HMCN2: variants seen among roughly 807,000 people sequenced by gnomAD.
HMCN2 encodes hemicentin 2.
In HMCN2, 325 loss-of-function variants were observed where a neutral mutation model predicts 377.5. That is an observed-to-expected ratio of 0.86 (90% CI 0.79 to 0.94). The LOEUF (loss-of-function observed/expected upper bound fraction) is 0.94, where lower values mean the gene tolerates loss of function less well. Ranked by LOEUF, HMCN2 falls within the 40% of genes least tolerant of loss-of-function variation. HMCN2 has a pLI of 0.00. For synonymous variants in HMCN2, 2,007 were observed against 2,046.8 expected, an observed-to-expected ratio of 0.98 and a Z score of 0.53; for missense variants, 4,543 against 4,725.3, an observed-to-expected ratio of 0.96 and a Z score of 1.13.
In HMCN2 at chr9:130,394,292, G is replaced by A. The variant is rs1842487629; in HGVS notation, c.10502-93G>A. ...GAACAAGGGCCACCAAAATGTGGGA[G>A]CAGAGCCCCTGGACTCAGCACAGTG... On this transcript the variant is annotated intron_variant, in intron 68 of 97. Coordinates refer to ENST00000683500, the MANE Select transcript of HMCN2 (RefSeq NM_001291815.2). This position sits in a 1 kb window ranked among gnomAD's most constrained non-coding sequence, Gnocchi z 5.1. The A allele has an allele frequency of 1.2e-6, 1 of 828,620 alleles. No individual in the cohort carries two copies. The highest frequency in any genetic ancestry group is 1.7e-6 in the Non-Finnish European group (1 of 598,952). The allele number at this position is 828,620 out of a possible 1,614,324, so 51.3% of individuals were successfully genotyped here.
chr9:130,322,338 CTATCCAT>C (rs1400635153), intron 19 of HMCN2, among the ~76,000 whole-genome samples: 1 of 148,632 alleles, frequency 6.7e-6, no homozygotes, highest in Non-Finnish European at 1.5e-5. Flanking sequence ...ATCTATCTAT[CTATCCAT>C]CTATCTATCT....
chr9:130,429,471 C>T, intron 93 of HMCN2, 86 bp from the exon 94 acceptor site: 1 of 1,503,490 alleles, frequency 6.7e-7, no homozygotes, highest in Non-Finnish European at 9.0e-7. Context: ...GGGAGGAGGC[C>T]CAGATATGGA....
Position 130,403,804 on chromosome 9 carries a change from C to G in HMCN2, c.12077C>G (p.Ala4026Gly), listed in dbSNP as rs1842964912. Residue 4026 changes from alanine (A) to glycine (G), a missense_variant, in exon 80 of 98, where the codon GCT (alanine) becomes GGT (glycine). Ala to Gly is a moderately conservative substitution (Grantham distance 60, BLOSUM62 0). Around this residue, in one of 5 missense-constraint regions of HMCN2, gnomAD observed 1,073 missense variants for 1,319.5 expected, o/e 0.81. Coordinates refer to ENST00000683500, the MANE Select transcript of HMCN2 (RefSeq NM_001291815.2). ...LRIAHASPED[A>G]GNYLCIAKNS... Reference sequence around the variant, plus strand: ...ATTGCCCATGCCAGCCCAGAGGATGCTGGAAACTATCTCTGCATCGCTAAG... The same window carrying G: ...ATTGCCCATGCCAGCCCAGAGGATGGTGGAAACTATCTCTGCATCGCTAAG... 7.8e-7 allele frequency: 1 copy of G among 1,289,720 alleles called. No individual in the cohort carries two copies. The highest frequency in any genetic ancestry group is 2.3e-5 in the Admixed American group (1 of 43,544). The allele number at this position is 1,289,720 out of a possible 1,614,324, so 79.9% of individuals were successfully genotyped here.
chr9:130,419,709 C>G (rs1843882320), intron 86 of HMCN2: 1 of 146,366 alleles, frequency 6.8e-6, no homozygotes, highest in South Asian at 2.1e-4. Flanking sequence ...CATGGGAACA[C>G]TCCCTATGTG....
At chr9:130,379,717 C>T (rs576156296) in intron 54 of HMCN2, among the ~76,000 whole-genome samples, 1 of 152,340 alleles carries the variant, frequency 6.6e-6, no homozygotes, top group African/African-American at 2.4e-5. Context: ...AAATGATCGG[C>T]AGAAGCTGCC....
intron 1 of HMCN2, among the ~76,000 whole-genome samples, chr9:130,282,132 T>C (rs1230285143): frequency 3.3e-5 from 5 of 152,178 alleles, no homozygotes; most frequent in African/African-American, 1.2e-4. Flanking sequence ...GAGGACCTCA[T>C]ATTGAAGCAA....
At position 130,433,295 on chromosome 9, in the gene HMCN2, C is replaced by G. The variant is rs78619453; in HGVS notation, c.14895-53C>G. ...AGGTCTGAGTTACGCGGATGGGCCA[C>G]GCTCCGACCGCACCCCCGAGTCCGC... On this transcript the variant is annotated intron_variant, in intron 97 of 97. Transcript: ENST00000683500. 2.4e-4 allele frequency: 323 copies of G among 1,350,294 alleles called. 2 individuals are homozygous for G. The African/African-American group carries it at 4.4e-3, about 18-fold the overall frequency. The allele number at this position is 1,350,294 out of a possible 1,614,324, so 83.6% of individuals were successfully genotyped here. A position where few individuals can be genotyped will look rare whatever the true frequency, so the allele number is the denominator to read the frequency against.
Position 130,354,938 on chromosome 9 carries a change from T to G in HMCN2, c.5040T>G (p.Ser1680Arg), listed in dbSNP as rs974395569. 1.5e-6 allele frequency: 2 copies of G among 1,302,658 alleles called. No homozygotes were observed. Among genetic ancestry groups the G allele is most frequent in the African/African-American group, 1.5e-5 (1 of 65,498 alleles). 80.7% of individuals were successfully genotyped at this position (1,302,658 alleles called of 1,614,324 possible). ...AGTCGCGGCTGGAGACAGACGGGAGTGTGCTGAGGCTGGAGAGCCCGGGGG... is the reference window on the plus strand; with the variant it reads ...AGTCGCGGCTGGAGACAGACGGGAGGGTGCTGAGGCTGGAGAGCCCGGGGG... ...SNESRLETDG[S>R]VLRLESPGEA... The change falls in exon 32 of 98, where the codon AGT becomes AGG. Residue 1680 changes from serine to arginine, a missense_variant. Ser to Arg is a moderately radical substitution (Grantham distance 110, BLOSUM62 -1). Around this residue, in one of 5 missense-constraint regions of HMCN2, gnomAD observed 1,032 missense variants for 1,285.1 expected, o/e 0.80. Transcript: ENST00000683500.
Position 130,374,631 on chromosome 9 carries a change from ACTC to A in HMCN2, c.7571_7573del (p.Ser2524del), listed in dbSNP as rs1841276518. The stretch of plus-strand genomic sequence containing the variant: ...GCAAACCTGTCCAGTGCTGGCCACT[ACTC>A]CTGCATTGCAGCCAACGCTGTTGGG... On this transcript the variant is annotated inframe_deletion, in exon 49 of 98. Transcript: ENST00000683500. The A allele has an allele frequency of 4.1e-6, 4 of 985,638 alleles. No homozygotes were observed. The South Asian group carries it at 1.4e-4, about 35-fold the overall frequency. 61.1% of individuals were successfully genotyped at this position (985,638 alleles called of 1,614,324 possible).
intron 25 of HMCN2, among the ~76,000 whole-genome samples, chr9:130,346,423 C>T (rs1014673628): frequency 1.3e-5 from 2 of 149,756 alleles, no homozygotes; most frequent in East Asian, 2.0e-4. Context: ...CAACATGGGG[C>T]GTGTCCTAGA....
At chr9:130,291,176 A>G (rs544661351) in intron 4 of HMCN2, among the ~76,000 whole-genome samples, 181 of 152,284 alleles carry the variant, frequency 1.2e-3, no homozygotes, top group African/African-American at 4.3e-3. Flanking sequence ...TCAGGTGTAC[A>G]TTAAAGTCAC....
chr9:130,413,582 G>A (rs1843530812), intron 85 of HMCN2, among the ~76,000 whole-genome samples: 1 of 152,160 alleles, frequency 6.6e-6, no homozygotes, highest in Non-Finnish European at 1.5e-5. Context: ...CTGAAAAGTA[G>A]AGAAAAGAAG....
chr9:130,342,263 T>C (rs1384436229), intron 24 of HMCN2, 87 bp from the exon 25 acceptor site: 3 of 152,174 alleles, frequency 2.0e-5, no homozygotes, highest in East Asian at 1.9e-4. Context: ...ACCCTCCCCA[T>C]TGGCCCTGGG....
chr9:130,318,117 C>T (rs1468918634), intron 15 of HMCN2, among the ~76,000 whole-genome samples: 1 of 152,214 alleles, frequency 6.6e-6, no homozygotes, highest in Non-Finnish European at 1.5e-5. Context: ...GCTTCGGCGG[C>T]TGCCAGGCCC....
At chr9:130,276,000 C>T (rs566050899) in intron 1 of HMCN2, among the ~76,000 whole-genome samples, 45 of 152,048 alleles carry the variant, frequency 3.0e-4, no homozygotes, top group African/African-American at 9.6e-4. Context: ...GCTTTCCAGG[C>T]GAGGAACTGT....
At chr9:130,416,662 C>T (rs7854344) in intron 85 of HMCN2, among the ~76,000 whole-genome samples, 25,812 of 152,040 alleles carry the variant, frequency 0.17, 2,682 homozygotes, top group East Asian at 0.39. Context: ...CGCACACACA[C>T]CTGTGCTGGG....
intron 22 of HMCN2, among the ~76,000 whole-genome samples, chr9:130,331,606 C>T (rs1838431714): frequency 6.6e-6 from 1 of 152,066 alleles, no homozygotes; most frequent in South Asian, 2.1e-4. Context: ...AAGACCCTTC[C>T]CCTCTCCCCT....
rs941925226 is a variant in HMCN2, at chr9:130,393,375, C to T, written c.10234+66C>T. 8 of 956,896 alleles carry T rather than the reference C, an allele frequency of 8.4e-6. No homozygotes were observed. The African/African-American group carries it at 1.1e-4, about 13-fold the overall frequency. The allele number at this position is 956,896 out of a possible 1,614,324, so 59.3% of individuals were successfully genotyped here. A position where few individuals can be genotyped will look rare whatever the true frequency, so the allele number is the denominator to read the frequency against. On this transcript the variant is annotated intron_variant, in intron 67 of 97. Coordinates refer to ENST00000683500, the MANE Select transcript of HMCN2 (RefSeq NM_001291815.2). This position sits in a 1 kb window ranked among gnomAD's most constrained non-coding sequence, Gnocchi z 5.2. ...GTGGGTGAGAATCAAGGCCCTTGGC[C>T]CCCCTGCCCTTCTGGGTGGAACCAA... is the stretch of plus-strand genomic sequence containing the variant.
At chr9:130,345,410 T>C (rs1254085339) in intron 25 of HMCN2, among the ~76,000 whole-genome samples, 1 of 139,482 alleles carries the variant, frequency 7.2e-6, no homozygotes, top group Admixed American at 7.1e-5. Context: ...GCTGTGTGTG[T>C]ATGTTGGTGT....
Sources: allele counts gnomAD v4.1 joint callset (sites outside exome capture counted in the v4.1 genomes callset), GRCh38; gene constraint gnomAD v4.1.1; regional missense constraint gnomAD v4.1.1; non-coding constraint Gnocchi (gnomAD v3.1); transcripts MANE v1.5; gene names NCBI Gene and HGNC (gene_info 2026-07-23, HGNC 2026-07-21).